The following DOCK9 variants were observed in gnomAD, a reference collection of about 807,000 sequenced individuals.
The protein encoded by DOCK9 is dedicator of cytokinesis protein 9.
Under a neutral mutation model 263.3 loss-of-function variants are expected in DOCK9, and 89 were observed. The ratio of observed to expected loss-of-function variants is 0.34; its 90% confidence interval spans 0.28 to 0.40. The LOEUF is 0.40. Among genes scored for constraint, DOCK9 ranks in the 10% least tolerant of loss-of-function variants. The pLI is 1.00. For missense variants in DOCK9, 2,140 were observed against 2,603.4 expected (o/e 0.82, Z 3.87); for synonymous variants, 976 against 973.1 (o/e 1.00, Z -0.06).
chr13:98,846,428 GT>G lies in DOCK9; in HGVS notation c.4062-369del, dbSNP rs1555359328. 1.1e-5 allele frequency: 12 copies of G among 1,052,188 alleles called. No homozygotes were observed. In the Admixed American group the frequency reaches 2.2e-4, roughly 19 times the overall value. The allele number at this position is 1,052,188 out of a possible 1,614,324, so 65.2% of individuals were successfully genotyped here. A position where few individuals can be genotyped will look rare whatever the true frequency, so the allele number is the denominator to read the frequency against. On this transcript the variant is annotated intron_variant, in intron 37 of 52. Coordinates refer to ENST00000682017, the MANE Select transcript of DOCK9 (RefSeq NM_001366683.2). ...TATGTTCTGAAAAAGCAAAAGACAT[GT>G]ATTTTTTTTAATTAAAAAATGCATT...
intron 34 of DOCK9, among the ~76,000 whole-genome samples, chr13:98,855,531 C>G (rs559042092): frequency 6.6e-6 from 1 of 151,980 alleles, no homozygotes; most frequent in Admixed American, 6.5e-5. Flanking sequence ...GAGATCGTGC[C>G]GCTGTACTCC....
Position 98,903,029 on chromosome 13 carries a change from A to T in DOCK9, c.1119T>A (p.Asp373Glu). The T allele has an allele frequency of 6.5e-7, 1 of 1,543,010 alleles. No individual in the cohort carries two copies. Among genetic ancestry groups the T allele is most frequent in the Non-Finnish European group, 8.7e-7 (1 of 1,144,226 alleles). The change falls in exon 11 of 53, where the codon GAT (aspartate) becomes GAA (glutamate). Residue 373 changes from aspartate to glutamate, a missense_variant. Asp to Glu is a conservative substitution (Grantham distance 45). Around this residue, in one of 2 missense-constraint regions of DOCK9, gnomAD observed 1,521 missense variants for 1,741.7 expected, o/e 0.87. Transcript: ENST00000682017. Reference sequence around the variant, plus strand: ...CACAGCATTGCAAATTGAAAGATAAATCATTGCACTTGACAAGGATCCTTT... The same window carrying T: ...CACAGCATTGCAAATTGAAAGATAATTCATTGCACTTGACAAGGATCCTTT... ...FGKRILVKCN[D>E]LSFNLQCCVA...
At chr13:99,072,518 G>A (rs74896274) in intron 1 of DOCK9, among the ~76,000 whole-genome samples, 2,401 of 152,202 alleles carry the variant, frequency 0.016, 64 homozygotes, top group African/African-American at 0.054. Flanking sequence ...ACTAAAGATG[G>A]GGTTTAGCAT....
intron 1 of DOCK9, among the ~76,000 whole-genome samples, chr13:99,049,092 GT>G (rs1196785484): frequency 4.6e-5 from 7 of 152,148 alleles, no homozygotes; most frequent in Admixed American, 1.3e-4. Context: ...CAATCACTCT[GT>G]TTTCTGGACC....
At chr13:99,007,904 T>C (rs922940632) in intron 1 of DOCK9, among the ~76,000 whole-genome samples, 3 of 152,210 alleles carry the variant, frequency 2.0e-5, no homozygotes, top group African/African-American at 7.2e-5. Context: ...ATAATCTTTC[T>C]GGAGGGTAGT....
intron 13 of DOCK9, 106 bp from the exon 14 acceptor site, chr13:98,898,367 T>C (rs2047749571): frequency 7.7e-6 from 6 of 779,272 alleles, no homozygotes; most frequent in African/African-American, 1.7e-5. Context: ...TACCATAGCA[T>C]TGGATGCATA....
intron 49 of DOCK9, among the ~76,000 whole-genome samples, chr13:98,801,576 C>T (rs2090112781): frequency 6.6e-6 from 1 of 152,086 alleles, no homozygotes; most frequent in Non-Finnish European, 1.5e-5. Flanking sequence ...AGAAAAACAG[C>T]AGGTTCTCAT....
intron 1 of DOCK9, chr13:99,015,335 C>T: frequency 1.1e-6 from 1 of 921,748 alleles, no homozygotes. Flanking sequence ...CATTTATACA[C>T]ACAGACTACA....
chr13:98,942,248 G>GT (rs1555416726), intron 2 of DOCK9, among the ~76,000 whole-genome samples: 25 of 99,406 alleles, frequency 2.5e-4, no homozygotes, highest in Admixed American at 2.2e-3. Flanking sequence ...TTTTTTTTTT[G>GT]TTTTTTTGAG....
At chr13:99,012,900 T>A (rs937224980) in intron 1 of DOCK9, among the ~76,000 whole-genome samples, 10 of 152,030 alleles carry the variant, frequency 6.6e-5, no homozygotes, top group Admixed American at 5.9e-4. Flanking sequence ...ACTAAAAATT[T>A]AAAAAAACAC....
intron 4 of DOCK9, among the ~76,000 whole-genome samples, chr13:98,923,703 G>A (rs1292819243): frequency 6.6e-6 from 1 of 152,146 alleles, no homozygotes; most frequent in East Asian, 1.9e-4. Context: ...AGGAAAAAAA[G>A]GAAGATTGAG....
intron 1 of DOCK9, among the ~76,000 whole-genome samples, chr13:99,041,200 C>T (rs1423646097): frequency 2.0e-5 from 3 of 152,156 alleles, no homozygotes; most frequent in African/African-American, 7.2e-5. Context: ...AAATGTTCTA[C>T]TGGCCAAGCA....
At chr13:98,879,159 C>T (rs943562599) in intron 27 of DOCK9, among the ~76,000 whole-genome samples, 5 of 152,162 alleles carry the variant, frequency 3.3e-5, no homozygotes, top group Non-Finnish European at 7.3e-5. Flanking sequence ...TTTATAGAAA[C>T]TTATCTACCT....
chr13:98,803,883 G>A (rs1195538448), intron 49 of DOCK9, among the ~76,000 whole-genome samples: 1 of 151,840 alleles, frequency 6.6e-6, no homozygotes, highest in Non-Finnish European at 1.5e-5. Flanking sequence ...CCCTCATAGG[G>A]AGTGTGAAAA....
At chr13:99,005,641 C>G (rs930693715) in intron 1 of DOCK9, among the ~76,000 whole-genome samples, 1 of 152,248 alleles carries the variant, frequency 6.6e-6, no homozygotes, top group Admixed American at 6.5e-5. Flanking sequence ...AGGATCTTAA[C>G]TAAACTATAA....
intron 50 of DOCK9, among the ~76,000 whole-genome samples, chr13:98,798,305 T>C (rs2089687820): frequency 6.6e-6 from 1 of 152,166 alleles, no homozygotes; most frequent in Non-Finnish European, 1.5e-5. Flanking sequence ...TCCCCGTGTG[T>C]GGTTCTGACC....
intron 1 of DOCK9, among the ~76,000 whole-genome samples, chr13:99,005,769 T>C (rs1427124360): frequency 6.6e-6 from 1 of 152,158 alleles, no homozygotes; most frequent in African/African-American, 2.4e-5. Context: ...TCAGCTGACT[T>C]AAATAAGTGT....
chr13:98,934,091 C>A (rs755862360), intron 2 of DOCK9, among the ~76,000 whole-genome samples: 1 of 151,478 alleles, frequency 6.6e-6, no homozygotes, highest in Non-Finnish European at 1.5e-5. Context: ...GAGATGGGGG[C>A]GGGGGGTCTC....
At chr13:98,924,180 A>AT (rs1483116374) in intron 4 of DOCK9, among the ~76,000 whole-genome samples, 1 of 152,238 alleles carries the variant, frequency 6.6e-6, no homozygotes, top group Non-Finnish European at 1.5e-5. Flanking sequence ...TTGGGTAAAT[A>AT]TAGAACTAAA....
Sources: gnomAD v4.1 joint callset for allele counts (sites outside exome capture counted in the v4.1 genomes callset) on GRCh38, gnomAD v4.1.1 for gene constraint, gnomAD v4.1.1 regional missense constraint, MANE v1.5 for transcripts, NCBI Gene and HGNC (gene_info 2026-07-23, HGNC 2026-07-21) for gene names.